The following SGCG variants were observed in gnomAD, a reference collection of about 807,000 sequenced individuals.
SGCG encodes the protein sarcoglycan gamma.
In SGCG, 26 loss-of-function variants were observed where a neutral mutation model predicts 29.3. The observed-to-expected ratio is 0.89, with a 90% CI of 0.65 to 1.23. The LOEUF is 1.23. Ranked by LOEUF, SGCG falls within the 50% of genes most tolerant of loss-of-function variation. The probability of loss-of-function intolerance (pLI) is 0.00; values close to 1 mark genes in which losing one functional copy is unlikely to be tolerated. For missense variants in SGCG, 353 were observed against 356.0 expected, an observed-to-expected ratio of 0.99 and a Z score of 0.07; for synonymous variants, 145 against 129.7, an observed-to-expected ratio of 1.12 and a Z score of -0.80.
intron 5 of SGCG, among the ~76,000 whole-genome samples, chr13:23,290,578 G>A (rs970344981): frequency 1.4e-4 from 22 of 152,184 alleles, no homozygotes; most frequent in African/African-American, 5.3e-4. Context: ...CAAAAGGCAG[G>A]TTGAAGTGGT....
chr13:23,275,332 T>C (rs1433538659), intron 4 of SGCG, among the ~76,000 whole-genome samples: 4 of 151,712 alleles, frequency 2.6e-5, no homozygotes, highest in African/African-American at 9.7e-5. Flanking sequence ...CTGGGCAACA[T>C]GGCAAAACTC....
intron 6 of SGCG, among the ~76,000 whole-genome samples, chr13:23,304,744 C>G (rs1343457402): frequency 9.9e-5 from 15 of 152,152 alleles, no homozygotes; most frequent in Non-Finnish European, 7.4e-5. Context: ...GCTGGTATTA[C>G]AGGAGCCTGC....
chr13:23,298,905 T>G (rs985009453), intron 6 of SGCG, among the ~76,000 whole-genome samples: 4 of 152,098 alleles, frequency 2.6e-5, no homozygotes, highest in African/African-American at 4.8e-5. Context: ...GCAACTTGAG[T>G]GTTAAAACCA....
chr13:23,273,678 T>G (rs1313882091), intron 4 of SGCG, among the ~76,000 whole-genome samples: 1 of 152,262 alleles, frequency 6.6e-6, no homozygotes, highest in African/African-American at 2.4e-5. Flanking sequence ...ATGGGTCTTT[T>G]TGCTTTTTAT....
chr13:23,251,936 C>T (rs1879985247), intron 4 of SGCG, among the ~76,000 whole-genome samples: 1 of 152,158 alleles, frequency 6.6e-6, no homozygotes, highest in Non-Finnish European at 1.5e-5. Context: ...TGGGAAACTA[C>T]AGCCTTATGT....
At chr13:23,320,975 CT>C (rs1294043510) in intron 7 of SGCG, among the ~76,000 whole-genome samples, 1 of 152,000 alleles carries the variant, frequency 6.6e-6, no homozygotes, top group Non-Finnish European at 1.5e-5. Flanking sequence ...ATCCAGACAG[CT>C]TTCTTTAACT....
the SGCG span, among the ~76,000 whole-genome samples, chr13:23,172,106 T>C: frequency 6.6e-6 from 1 of 152,234 alleles, no homozygotes; most frequent in East Asian, 1.9e-4. Flanking sequence ...TCCTTACCCA[T>C]ACTTTTATTC....
intron 6 of SGCG, among the ~76,000 whole-genome samples, chr13:23,313,581 G>A (rs1188289358): frequency 1.3e-5 from 2 of 152,148 alleles, no homozygotes; most frequent in East Asian, 1.9e-4. Flanking sequence ...GTAAACTTTG[G>A]AAAATTACTG....
the SGCG span, among the ~76,000 whole-genome samples, chr13:23,175,290 T>C: frequency 3.3e-5 from 5 of 151,886 alleles, no homozygotes; most frequent in Non-Finnish European, 5.9e-5. Context: ...CACATGGAGG[T>C]AGAGGTGTAG....
intron 2 of SGCG, among the ~76,000 whole-genome samples, chr13:23,232,470 A>G (rs1879148995): frequency 6.6e-6 from 1 of 152,158 alleles, no homozygotes; most frequent in African/African-American, 2.4e-5. Context: ...TTTTTAAATA[A>G]TGCTTTCTAT....
At chr13:23,317,226 C>T (rs977666307) in intron 6 of SGCG, among the ~76,000 whole-genome samples, 5 of 152,096 alleles carry the variant, frequency 3.3e-5, no homozygotes, top group Non-Finnish European at 7.3e-5. Context: ...TCTACTACAC[C>T]ACAGAGGTAA....
chr13:23,177,354 G>A (rs1156260690), upstream of SGCG, among the ~76,000 whole-genome samples: 1 of 152,018 alleles, frequency 6.6e-6, no homozygotes, highest in African/African-American at 2.4e-5. Flanking sequence ...ACTAGAAGAG[G>A]GGATTTTGTG....
intron 6 of SGCG, among the ~76,000 whole-genome samples, chr13:23,314,111 ATATATATCTATATC>A (rs928533774): frequency 2.0e-5 from 3 of 151,262 alleles, no homozygotes; most frequent in East Asian, 2.0e-4. Context: ...ACTCCCCTTT[ATATATATCTATATC>A]TATATATCTA....
At chr13:23,189,972 C>A (rs1282576027) in intron 1 of SGCG, among the ~76,000 whole-genome samples, 5 of 152,068 alleles carry the variant, frequency 3.3e-5, no homozygotes, top group Non-Finnish European at 7.4e-5. Flanking sequence ...AATAATTACC[C>A]CTTTAGTCTC....
chr13:23,312,421 G>A (rs1882635861), intron 6 of SGCG, among the ~76,000 whole-genome samples: 1 of 152,152 alleles, frequency 6.6e-6, no homozygotes, highest in African/African-American at 2.4e-5. Context: ...CATGAAGTAA[G>A]ATTTTAAAAA....
intron 2 of SGCG, among the ~76,000 whole-genome samples, chr13:23,232,730 T>C (rs1879158387): frequency 1.3e-5 from 2 of 151,854 alleles, no homozygotes; most frequent in Non-Finnish European, 2.9e-5. Flanking sequence ...TGCAGTGAGC[T>C]GAGATCACGT....
the SGCG span, among the ~76,000 whole-genome samples, chr13:23,171,374 C>G: frequency 6.6e-6 from 1 of 152,204 alleles, no homozygotes. Flanking sequence ...TAACATTACA[C>G]TGCTGTTAAG....
At chr13:23,219,191 G>C (rs928826698) in intron 2 of SGCG, among the ~76,000 whole-genome samples, 1 of 151,768 alleles carries the variant, frequency 6.6e-6, no homozygotes, top group Non-Finnish European at 1.5e-5. Flanking sequence ...GGGACTACAG[G>C]TGCCTGCCAC....
the SGCG span, among the ~76,000 whole-genome samples, chr13:23,173,518 T>C: frequency 1.3e-5 from 2 of 152,252 alleles, no homozygotes; most frequent in African/African-American, 4.8e-5. Flanking sequence ...CAGATCACTC[T>C]ATTTCTCTAT....
Sources: allele counts gnomAD v4.1 joint callset (sites outside exome capture counted in the v4.1 genomes callset), GRCh38; gene constraint gnomAD v4.1.1; transcripts MANE v1.5; gene names NCBI Gene and HGNC (gene_info 2026-07-23, HGNC 2026-07-21).